DNHD1: variants seen among roughly 807,000 people sequenced by gnomAD.
The protein encoded by DNHD1 is dynein heavy chain domain 1.
In DNHD1, 383 loss-of-function variants were observed where a neutral mutation model predicts 458.1. The observed-to-expected ratio is 0.84, with a 90% CI of 0.77 to 0.91. DNHD1 has a LOEUF of 0.91. Ranked by LOEUF, DNHD1 falls within the 40% of genes least tolerant of loss-of-function variation. The pLI is 0.00. For missense variants in DNHD1, 5,336 were observed against 5,866.1 expected, an observed-to-expected ratio of 0.91 and a Z score of 2.95; for synonymous variants, 2,203 against 2,376.9, an observed-to-expected ratio of 0.93 and a Z score of 2.13.
At chr11:6,564,211 G>C (rs1268425705) in intron 31 of DNHD1, 87 bp downstream of exon 31, 33 of 1,472,384 alleles carry the variant, frequency 2.2e-5, no homozygotes, top group Non-Finnish European at 2.8e-5. Context: ...GCCTCCCTCT[G>C]TCCCTCTCTG....
At position 6,533,178 on chromosome 11, in the gene DNHD1, C is replaced by T; in HGVS notation, c.2499C>T (p.Thr833=). ...NSDIHAIAQC[T]QKLNEANEQY... is the part of the protein sequence containing the mutation. Reference sequence around the variant, plus strand: ...ATATTCATGCCATTGCACAGTGCACCCAGAAGGTGGGCTCTCCCCATCCAT... The same window carrying T: ...ATATTCATGCCATTGCACAGTGCACTCAGAAGGTGGGCTCTCCCCATCCAT... The change falls in exon 13 of 43, where the codon ACC becomes ACT. Residue 833 remains threonine (T), a synonymous_variant. Coordinates refer to ENST00000254579, the MANE Select transcript of DNHD1 (RefSeq NM_144666.3). 6.4e-7 allele frequency: 1 copy of T among 1,551,334 alleles called. No homozygotes were observed. Among genetic ancestry groups the T allele is most frequent in the Non-Finnish European group, 8.7e-7 (1 of 1,146,864 alleles).
chr11:6,539,164 G>C, intron 16 of DNHD1, 55 bp from the exon 17 acceptor site: 1 of 1,238,734 alleles, frequency 8.1e-7, no homozygotes, highest in South Asian at 1.3e-5. Context: ...ATGGGATATG[G>C]GTTGGACTCT....
chr11:6,506,494 T>C (rs1467974027), intron 4 of DNHD1, among the ~76,000 whole-genome samples: 3 of 152,256 alleles, frequency 2.0e-5, no homozygotes, highest in Non-Finnish European at 4.4e-5. Context: ...TCCAAATTTC[T>C]AGTGCACCAT....
chr11:6,566,425 T>C, intron 34 of DNHD1, 32 bp downstream of exon 34: 1 of 1,555,748 alleles, frequency 6.4e-7, no homozygotes, highest in Non-Finnish European at 8.7e-7. Context: ...GCCAGCACAG[T>C]TGTGTGGACA....
chr11:6,500,132 T>G (rs1358667648), intron 3 of DNHD1, among the ~76,000 whole-genome samples: 1 of 152,030 alleles, frequency 6.6e-6, no homozygotes. Context: ...GCTCAGCTGA[T>G]TTTTGTATTT....
At chr11:6,568,277 T>C in intron 37 of DNHD1, 35 bp downstream of exon 37, 1 of 1,530,540 alleles carries the variant, frequency 6.5e-7, no homozygotes, top group South Asian at 1.2e-5. Flanking sequence ...TCCAGGATCC[T>C]ATCCTACACT....
chr11:6,563,794 A>T lies in DNHD1; in HGVS notation c.9954A>T (p.Ala3318=), dbSNP rs1169078698. The T allele has an allele frequency of 6.4e-7, 1 of 1,551,578 alleles. No homozygotes were observed. Among genetic ancestry groups the T allele is most frequent in the Admixed American group, 2.0e-5 (1 of 50,992 alleles). The change falls in exon 31 of 43, where the codon GCA becomes GCT. Residue 3318 remains alanine (A), a synonymous_variant. Transcript: ENST00000254579. ...APGMDDAALR[A]VSRPAASLAA... The stretch of plus-strand genomic sequence containing the variant: ...GTATGGACGATGCAGCCCTGCGGGC[A>T]GTGAGCCGACCTGCAGCCAGCCTGG...
At chr11:6,558,769 C>T in intron 26 of DNHD1, 76 bp downstream of exon 26, 2 of 1,508,646 alleles carry the variant, frequency 1.3e-6, no homozygotes, top group Admixed American at 4.0e-5. Flanking sequence ...GTCAGTCTCT[C>T]TCTCTCCCTC....
intron 4 of DNHD1, 148 bp from the exon 5 acceptor site, chr11:6,508,732 A>C: frequency 1.5e-6 from 1 of 676,240 alleles, no homozygotes; most frequent in Non-Finnish European, 2.4e-6. Context: ...TTTCTAGTTT[A>C]AAAATCATTC....
chr11:6,520,557 G>T (rs1852585644), intron 10 of DNHD1: 2 of 1,282,704 alleles, frequency 1.6e-6, no homozygotes, highest in Non-Finnish European at 2.0e-6. Flanking sequence ...TTCCAAACCT[G>T]ATTCATCCCA....
chr11:6,509,337 TG>T, intron 6 of DNHD1, 65 bp downstream of exon 6: 1 of 1,391,132 alleles, frequency 7.2e-7, no homozygotes. Flanking sequence ...GGTAATAGTA[TG>T]TTTGTTGTAG....
rs1311743711 is a variant in DNHD1, at chr11:6,548,645, A to C, written c.7099A>C (p.Thr2367Pro). The change falls in exon 24 of 43, where the codon ACT becomes CCT. Residue 2367 changes from threonine to proline, a missense_variant and splice_region_variant. Around this residue, in one of 4 missense-constraint regions of DNHD1, gnomAD observed 3,932 missense variants for 4,365.6 expected, o/e 0.90. Coordinates refer to ENST00000254579, the MANE Select transcript of DNHD1 (RefSeq NM_144666.3). This position sits in a 1 kb window ranked among gnomAD's most constrained non-coding sequence, Gnocchi z 4.4. ...AGTAAGTCCCACTTCTGTCTTGCAG[A>C]CTGAACGGCTCTTGTATGTGGTGGA... is the stretch of plus-strand genomic sequence containing the variant. ...TLGTFHPSIQ[T>P]ERLLYVVDLL... 1 of 1,551,332 alleles carries C rather than the reference A, an allele frequency of 6.4e-7. No homozygotes were observed. The highest frequency in any genetic ancestry group is 8.7e-7 in the Non-Finnish European group (1 of 1,146,954).
At chr11:6,570,593 C>A in intron 41 of DNHD1, 25 bp from the exon 42 acceptor site, 2 of 1,563,370 alleles carry the variant, frequency 1.3e-6, no homozygotes, top group East Asian at 2.3e-5. Context: ...CATCTTGTCC[C>A]TCACCCCTCA....
At chr11:6,544,697 G>C in intron 20 of DNHD1, 26 bp downstream of exon 20, 1 of 1,547,510 alleles carries the variant, frequency 6.5e-7, no homozygotes, top group Non-Finnish European at 8.7e-7. Context: ...GAGGCAGAGA[G>C]GGCAAGAAGG....
Position 6,546,143 on chromosome 11 carries a change from G to A in DNHD1, c.5204G>A (p.Trp1735Ter). ...YLNGALQGGAWLLLEKVHQLP... is the reference protein window; with the variant it reads ...YLNGALQGGA Reference sequence around the variant, plus strand: ...AATGGTGCCCTGCAGGGTGGTGCCTGGCTGCTGTTGGAGAAAGTTCATCAG... The same window carrying A: ...AATGGTGCCCTGCAGGGTGGTGCCTAGCTGCTGTTGGAGAAAGTTCATCAG... The change falls in exon 21 of 43, where the codon TGG becomes TAG. Residue 1735 changes from tryptophan (W) to a stop codon, truncating the protein, a stop_gained. Coordinates refer to ENST00000254579, the MANE Select transcript of DNHD1 (RefSeq NM_144666.3). LOFTEE classifies it high-confidence loss of function. 6.4e-7 allele frequency: 1 copy of A among 1,551,248 alleles called. No individual in the cohort carries two copies.
In DNHD1 at chr11:6,564,033, C is replaced by G; in HGVS notation, c.10193C>G (p.Thr3398Ser). Residue 3398 changes from threonine to serine, a missense_variant, in exon 31 of 43, where the codon ACC (threonine) becomes AGC (serine). Coordinates refer to ENST00000254579, the MANE Select transcript of DNHD1 (RefSeq NM_144666.3). ...AQASHNCVAK[T>S]LSQAQCGQYH... Reference sequence around the variant, plus strand: ...GCTTCCCACAACTGCGTGGCAAAGACCCTCAGTCAAGCACAGTGTGGGCAG... The same window carrying G: ...GCTTCCCACAACTGCGTGGCAAAGAGCCTCAGTCAAGCACAGTGTGGGCAG... The G allele has an allele frequency of 6.4e-7, 1 of 1,551,706 alleles. No homozygotes were observed. The highest frequency in any genetic ancestry group is 8.7e-7 in the Non-Finnish European group (1 of 1,146,996).
intron 19 of DNHD1, 105 bp downstream of exon 19, chr11:6,544,351 C>A: frequency 1.5e-6 from 2 of 1,336,512 alleles, no homozygotes; most frequent in Non-Finnish European, 2.1e-6. Context: ...ATATGAAGAA[C>A]ACAGTGAGGA....
chr11:6,530,377 G>A (rs1408438109), intron 12 of DNHD1, among the ~76,000 whole-genome samples: 1 of 152,124 alleles, frequency 6.6e-6, no homozygotes, highest in African/African-American at 2.4e-5. Flanking sequence ...CCATGGGAAG[G>A]ATATCTCATG....
rs185693076 is a variant in DNHD1 at position 6,502,961 on chromosome 11, C to A, written c.920+35C>A. On this transcript the variant is annotated intron_variant, in intron 4 of 42. Transcript: ENST00000254579. ...TATGTCCAGGCCCCTTCTCCTCCCC[C>A]TGCCTGGTTTCCTTCTATGCTATCT... The A allele has an allele frequency of 1.7e-5, 28 of 1,604,460 alleles. No individual in the cohort carries two copies. The East Asian group carries it at 5.8e-4, about 34-fold the overall frequency.
Sources: gnomAD v4.1 joint callset for allele counts (sites outside exome capture counted in the v4.1 genomes callset) on GRCh38, gnomAD v4.1.1 for gene constraint, gnomAD v4.1.1 regional missense constraint, Gnocchi (gnomAD v3.1) non-coding constraint, MANE v1.5 for transcripts, NCBI Gene and HGNC (gene_info 2026-07-23, HGNC 2026-07-21) for gene names.